COG4: variants seen among roughly 807,000 people sequenced by gnomAD.
COG4 encodes the protein conserved oligomeric Golgi complex subunit 4.
A neutral mutation model predicts 95.1 loss-of-function variants in COG4; 65 were observed. The ratio of observed to expected loss-of-function variants is 0.68; its 90% confidence interval spans 0.56 to 0.84. COG4 has a LOEUF of 0.84. Ranked by LOEUF, COG4 falls within the 40% of genes least tolerant of loss-of-function variation. The pLI, the probability that COG4 is intolerant of heterozygous loss-of-function variation, is 0.00. For synonymous variants in COG4, 421 were observed against 374.8 expected, an observed-to-expected ratio of 1.12 and a Z score of -1.42; for missense variants, 1,045 against 989.1, an observed-to-expected ratio of 1.06 and a Z score of -0.76.
Position 70,481,455 on chromosome 16 carries a change from C to A in COG4, c.2139G>T (p.Arg713Ser). The A allele has an allele frequency of 6.2e-7, 1 of 1,612,808 alleles. No individual in the cohort carries two copies. The stretch of plus-strand genomic sequence containing the variant: ...CCGTGGTAAGGTAGGCAATGAGCGA[C>A]CTCAGCTCCTTGTCAAACTGCAGAC... ...LGGLQFDKEL[R>S]SLIAYLTTVT... Residue 713 changes from arginine (R) to serine (S), a missense_variant, in exon 18 of 19, where the codon AGG becomes AGT. Physicochemically the swap from Arg to Ser is moderately radical, Grantham distance 110 (BLOSUM62 -1). Coordinates refer to ENST00000323786, the MANE Select transcript of COG4 (RefSeq NM_015386.3).
At chr16:70,517,767 CATAACGAT>C in intron 2 of COG4, 27 bp from the exon 3 acceptor site, 2 of 1,482,590 alleles carry the variant, frequency 1.3e-6, no homozygotes, top group Non-Finnish European at 1.9e-6. Context: ...TTAGCATACA[CATAACGAT>C]AGGGCAGAGA....
chr16:70,501,823 T>C (rs1053975982), intron 8 of COG4, among the ~76,000 whole-genome samples: 2 of 151,810 alleles, frequency 1.3e-5, no homozygotes, highest in African/African-American at 4.8e-5. Flanking sequence ...GGCAGATTTT[T>C]TTTTTTTTTT....
chr16:70,502,850 T>A (rs1049554670), intron 8 of COG4, among the ~76,000 whole-genome samples: 5 of 152,316 alleles, frequency 3.3e-5, no homozygotes, highest in Middle Eastern at 6.8e-3. Flanking sequence ...TATGGATTAA[T>A]GGAACAGAAC....
chr16:70,504,935 A>C (rs982892057), intron 8 of COG4, among the ~76,000 whole-genome samples: 2 of 152,054 alleles, frequency 1.3e-5, no homozygotes, highest in African/African-American at 4.8e-5. Context: ...AATCCAGTCA[A>C]AATGCCGTTA....
intron 1 of COG4, among the ~76,000 whole-genome samples, chr16:70,521,192 C>T (rs920314947): frequency 6.6e-6 from 1 of 151,610 alleles, no homozygotes; most frequent in African/African-American, 2.4e-5. Flanking sequence ...CGATTAGAGG[C>T]ATGAGCCACT....
rs138701123 is a variant in COG4, at chr16:70,482,755, A to G, written c.1894T>C (p.Phe632Leu). The G allele has an allele frequency of 4.3e-5, 69 of 1,613,888 alleles. No homozygotes were observed. In the African/African-American group the frequency reaches 7.5e-4, roughly 17 times the overall value. ...PQVQPWINSF[F>L]SVSHNIEEEE... ...TCCTCGATGTTGTGGGAGACGGAGA[A>G]AAAGCTGTTGATCCAAGGCTGCACC... Residue 632 changes from phenylalanine to leucine, a missense_variant, in exon 15 of 19, where the codon TTC becomes CTC. Physicochemically the swap from Phe to Leu is conservative, Grantham distance 22. Coordinates refer to ENST00000323786, the MANE Select transcript of COG4 (RefSeq NM_015386.3).
chr16:70,488,263 A>G (rs2049177485), intron 13 of COG4, among the ~76,000 whole-genome samples: 1 of 151,554 alleles, frequency 6.6e-6, no homozygotes, highest in Admixed American at 6.6e-5. Context: ...CCTCCTGAGT[A>G]GCTGGTATTA....
intron 9 of COG4, among the ~76,000 whole-genome samples, chr16:70,499,863 C>T (rs1484699333): frequency 2.0e-5 from 3 of 152,088 alleles, no homozygotes; most frequent in East Asian, 1.9e-4. Flanking sequence ...AGTTTCACCA[C>T]GTTAGCCAGG....
Position 70,512,375 on chromosome 16 carries a change from G to C in COG4, c.602C>G (p.Ala201Gly), listed in dbSNP as rs371279750. 9 of 1,614,034 alleles carry C rather than the reference G, an allele frequency of 5.6e-6. No homozygotes were observed. Among genetic ancestry groups the C allele is most frequent in the Non-Finnish European group, 7.6e-6 (9 of 1,180,032 alleles). ...AATGGCAAACTTCTCTGCCACAATGGCTTTGAGACGTTGCTCAGCTTCCTG... is the reference window on the plus strand; with the variant it reads ...AATGGCAAACTTCTCTGCCACAATGCCTTTGAGACGTTGCTCAGCTTCCTG... ...LLQEAEQRLK[A>G]IVAEKFAIAT... is the part of the protein sequence containing the mutation. Residue 201 changes from alanine (A) to glycine (G), a missense_variant, in exon 5 of 19, where the codon GCC becomes GGC. Ala to Gly is a moderately conservative substitution (Grantham distance 60). Coordinates refer to ENST00000323786, the MANE Select transcript of COG4 (RefSeq NM_015386.3).
At chr16:70,513,880 G>A (rs138248048) in intron 4 of COG4, among the ~76,000 whole-genome samples, 1 of 152,272 alleles carries the variant, frequency 6.6e-6, no homozygotes, top group African/African-American at 2.4e-5. Flanking sequence ...GCCCCAGGAT[G>A]GTACAGGACC....
rs762564242 is a variant in COG4, at chr16:70,496,302, G to A, written c.1611C>T (p.Gly537=). ...SLQQGKFDTK[G]IESTDEAKMS... ...TCTTCGCCTCGTCAGTACTCTCGAT[G>A]CCTTTTGTGTCAAATTTGCCTTGCT... Residue 537 remains glycine (G), a synonymous_variant, in exon 12 of 19, where the codon GGC becomes GGT. Coordinates refer to ENST00000323786, the MANE Select transcript of COG4 (RefSeq NM_015386.3). The A allele has an allele frequency of 4.3e-6, 7 of 1,614,182 alleles. No individual in the cohort carries two copies. Among genetic ancestry groups the A allele is most frequent in the South Asian group, 1.1e-5 (1 of 91,078 alleles).
chr16:70,489,797 G>GC (rs1220027530), intron 13 of COG4, among the ~76,000 whole-genome samples: 2 of 152,072 alleles, frequency 1.3e-5, no homozygotes, highest in Non-Finnish European at 2.9e-5. Flanking sequence ...AAGGTCACAC[G>GC]CCAACTATGT....
At chr16:70,498,424 G>A (rs1391218539) in intron 9 of COG4, among the ~76,000 whole-genome samples, 15 of 151,888 alleles carry the variant, frequency 9.9e-5, no homozygotes, top group African/African-American at 3.6e-4. Flanking sequence ...TGCCTCCCAG[G>A]TTCAAACAAT....
intron 8 of COG4, among the ~76,000 whole-genome samples, chr16:70,503,365 T>C (rs1389838046): frequency 6.6e-6 from 1 of 152,026 alleles, no homozygotes; most frequent in Non-Finnish European, 1.5e-5. Flanking sequence ...CCAAGACATC[T>C]TTACAAACAT....
chr16:70,481,668 GCAGA>G, intron 17 of COG4, 92 bp downstream of exon 17: 1 of 1,344,902 alleles, frequency 7.4e-7, no homozygotes, highest in Non-Finnish European at 1.1e-6. Context: ...CCTGTGGGCA[GCAGA>G]CAGAGGGGAT....
At position 70,508,441 on chromosome 16, in the gene COG4, C is replaced by T. The variant is rs1427426936; in HGVS notation, c.1026G>A (p.Leu342=). 8.1e-6 allele frequency: 13 copies of T among 1,613,980 alleles called. No individual in the cohort carries two copies. The Admixed American group carries it at 2.2e-4, about 27-fold the overall frequency. Residue 342 remains leucine (L), a synonymous_variant, in exon 8 of 19, where the codon CTG becomes CTA. Transcript: ENST00000323786. ...HQQFRHVQNN[L]MRNSTTEKIE... is the part of the protein sequence containing the mutation. ...TTTTTTCTGTTGTAGAATTTCTCATCAGGTTGTTCTGAACATGCCGGAACT... is the reference window on the plus strand; with the variant it reads ...TTTTTTCTGTTGTAGAATTTCTCATTAGGTTGTTCTGAACATGCCGGAACT...
chr16:70,498,207 TTC>T (rs1231295047), intron 9 of COG4, 152 bp from the exon 10 acceptor site: 16 of 647,016 alleles, frequency 2.5e-5, no homozygotes, highest in East Asian at 8.3e-5. Flanking sequence ...CAATTTTGAA[TTC>T]TGTTTTAAAA....
At chr16:70,485,598 T>G (rs998297503) in intron 13 of COG4, among the ~76,000 whole-genome samples, 77 of 150,672 alleles carry the variant, frequency 5.1e-4, no homozygotes, top group Non-Finnish European at 8.6e-4. Context: ...TTTTTTTTTT[T>G]TTTTTGAGAC....
intron 9 of COG4, among the ~76,000 whole-genome samples, chr16:70,499,692 G>C (rs949593120): frequency 6.6e-6 from 1 of 152,028 alleles, no homozygotes; most frequent in Non-Finnish European, 1.5e-5. Flanking sequence ...ACAGAGTCTC[G>C]CTTGTCGCCC....
Sources: gnomAD v4.1 joint callset for allele counts (sites outside exome capture counted in the v4.1 genomes callset) on GRCh38, gnomAD v4.1.1 for gene constraint, MANE v1.5 for transcripts, NCBI Gene and HGNC (gene_info 2026-07-23, HGNC 2026-07-21) for gene names.